Variants in ZNF423 observed in about 807,000 individuals in gnomAD.
ZNF423 encodes Ebf-associated zinc finger protein.
ZNF423 carries 12 observed loss-of-function variants against 95.8 expected under a neutral mutation model. The ratio of observed to expected loss-of-function variants is 0.13; its 90% CI spans 0.08 to 0.20. The LOEUF (loss-of-function observed/expected upper bound fraction) is 0.20, where lower values mean the gene tolerates loss of function less well. ZNF423 is among the 10% of genes least tolerant of loss of function. ZNF423 has a pLI of 1.00. For synonymous variants in ZNF423, 749 were observed against 711.9 expected (o/e 1.05, Z -0.83); for missense variants, 1,316 against 1,737.1 (o/e 0.76, Z 4.31).
chr16:49,753,361 C>A (rs536099092), intron 2 of ZNF423, among the ~76,000 whole-genome samples: 5 of 151,148 alleles, frequency 3.3e-5, no homozygotes, highest in Admixed American at 6.6e-5. Context: ...TAGCACTTTG[C>A]GAAGCTGAGG....
chr16:49,559,840 T>C (rs1969959589), intron 5 of ZNF423, among the ~76,000 whole-genome samples: 1 of 152,114 alleles, frequency 6.6e-6, no homozygotes, highest in East Asian at 1.9e-4. Flanking sequence ...GAAGGCACGA[T>C]CCCAGTCAAG....
intron 1 of ZNF423, among the ~76,000 whole-genome samples, chr16:49,799,506 C>A (rs2034549349): frequency 1.3e-5 from 2 of 151,854 alleles, no homozygotes; most frequent in Non-Finnish European, 2.9e-5. Flanking sequence ...GGATGGTGTC[C>A]CTAAATGTGG....
At chr16:49,835,310 T>A (rs758306436) in intron 1 of ZNF423, among the ~76,000 whole-genome samples, 1 of 152,072 alleles carries the variant, frequency 6.6e-6, no homozygotes, top group Non-Finnish European at 1.5e-5. Context: ...GAGAGAAGAA[T>A]ACAGACAACC....
chr16:49,769,496 G>T (rs569017331), intron 2 of ZNF423, among the ~76,000 whole-genome samples: 1 of 152,178 alleles, frequency 6.6e-6, no homozygotes, highest in South Asian at 2.1e-4. Context: ...TACTTGGTCA[G>T]CCCCGACCAT....
chr16:49,651,776 C>T (rs1486975967), intron 3 of ZNF423, among the ~76,000 whole-genome samples: 2 of 151,462 alleles, frequency 1.3e-5, no homozygotes, highest in Non-Finnish European at 3.0e-5. Context: ...GCTCCCAAAT[C>T]ACCATAAGGT....
chr16:49,664,858 A>C (rs2030457700), intron 3 of ZNF423, among the ~76,000 whole-genome samples: 1 of 152,226 alleles, frequency 6.6e-6, no homozygotes, highest in African/African-American at 2.4e-5. Context: ...CTTGAGCGAG[A>C]TCGGGGGTGG....
rs1482892368 is a variant in ZNF423, at chr16:49,492,428, G to C, written c.3850-1124C>G. On this transcript the variant is annotated intron_variant, in intron 7 of 7. Transcript: ENST00000563137. This position sits in a 1 kb window ranked among gnomAD's most constrained non-coding sequence, Gnocchi z 4.2. ...GCGTCTCTCCTGGGCTCGGGTCCGC[G>C]GCGAGGGCGACCAGGTGATGCCAGT... 2.6e-5 allele frequency among the ~76,000 whole-genome samples: 4 copies of C among 152,202 alleles called. No homozygotes were observed. Among genetic ancestry groups the C allele is most frequent in the Non-Finnish European group, 4.4e-5 (3 of 68,018 alleles).
intron 3 of ZNF423, among the ~76,000 whole-genome samples, chr16:49,716,792 G>A (rs1338075514): frequency 1.3e-5 from 2 of 152,198 alleles, no homozygotes; most frequent in Non-Finnish European, 2.9e-5. Flanking sequence ...GTGCTGGGGA[G>A]GCTGTGACCA....
chr16:49,854,008 G>T (rs2035329493), intron 1 of ZNF423: 1 of 985,414 alleles, frequency 1.0e-6, no homozygotes, highest in Non-Finnish European at 1.2e-6. Flanking sequence ...AGTGAGCAGT[G>T]AGCCAGGGAA....
intron 2 of ZNF423, among the ~76,000 whole-genome samples, chr16:49,784,442 C>T (rs773434788): frequency 4.6e-5 from 7 of 152,098 alleles, no homozygotes; most frequent in Non-Finnish European, 1.0e-4. Flanking sequence ...TGAAAACAAC[C>T]AAAATGTCAA....
intron 2 of ZNF423, among the ~76,000 whole-genome samples, chr16:49,749,440 A>G (rs997462512): frequency 1.3e-5 from 2 of 152,264 alleles, no homozygotes; most frequent in Non-Finnish European, 2.9e-5. Flanking sequence ...CTGATTACAA[A>G]GATAACTGCG....
At chr16:49,726,238 C>A (rs1379940600) in intron 3 of ZNF423, among the ~76,000 whole-genome samples, 2 of 152,180 alleles carry the variant, frequency 1.3e-5, no homozygotes, top group Non-Finnish European at 2.9e-5. Flanking sequence ...AGCTGCCAGC[C>A]TCTTAATTCA....
At chr16:49,847,344 C>T (rs2035256104) in intron 1 of ZNF423, 2 of 152,256 alleles carry the variant, frequency 1.3e-5, no homozygotes, top group Admixed American at 1.3e-4. Flanking sequence ...GGAGCTGAGT[C>T]CTGGCAGGCA....
At chr16:49,735,748 T>C (rs2033271532) in intron 2 of ZNF423, among the ~76,000 whole-genome samples, 1 of 152,038 alleles carries the variant, frequency 6.6e-6, no homozygotes, top group Non-Finnish European at 1.5e-5. Flanking sequence ...AGTCAACAGC[T>C]CCCAGCTTCC....
intron 3 of ZNF423, among the ~76,000 whole-genome samples, chr16:49,694,067 T>C (rs2031884185): frequency 6.6e-6 from 1 of 152,224 alleles, no homozygotes; most frequent in South Asian, 2.1e-4. Context: ...CAGTGCAACA[T>C]TCCTCCTCAG....
At chr16:49,691,718 C>A (rs1320184885) in intron 3 of ZNF423, among the ~76,000 whole-genome samples, 1 of 150,500 alleles carries the variant, frequency 6.6e-6, no homozygotes, top group East Asian at 2.0e-4. Context: ...GGCAACAGAG[C>A]GAGACTCCAT....
intron 5 of ZNF423, among the ~76,000 whole-genome samples, chr16:49,528,158 G>A (rs1968689161): frequency 6.6e-6 from 1 of 152,160 alleles, no homozygotes; most frequent in South Asian, 2.1e-4. Flanking sequence ...CCACTTGGCT[G>A]TGAATGGCGA....
At chr16:49,669,297 C>G (rs150043192) in intron 3 of ZNF423, among the ~76,000 whole-genome samples, 1,550 of 151,308 alleles carry the variant, frequency 0.01, 34 homozygotes, top group African/African-American at 0.036. Flanking sequence ...CCATTGCACT[C>G]CAGCCTGGAT....
At chr16:49,647,590 A>G (rs1332171584) in intron 3 of ZNF423, among the ~76,000 whole-genome samples, 1 of 152,170 alleles carries the variant, frequency 6.6e-6, no homozygotes, top group Non-Finnish European at 1.5e-5. Context: ...GCAATATGAG[A>G]AGGACCCAAC....
Sources: gnomAD v4.1 joint callset for allele counts (sites outside exome capture counted in the v4.1 genomes callset) on GRCh38, gnomAD v4.1.1 for gene constraint, Gnocchi (gnomAD v3.1) non-coding constraint, MANE v1.5 for transcripts, NCBI Gene and HGNC (gene_info 2026-07-23, HGNC 2026-07-21) for gene names.